The following LRRC4C variants were observed in gnomAD, a reference collection of about 807,000 sequenced individuals.
LRRC4C encodes leucine-rich repeat-containing protein 4C.
Under a neutral mutation model 33.6 loss-of-function variants are expected in LRRC4C, and 5 were observed. That is an observed-to-expected ratio of 0.15 (90% confidence interval 0.08 to 0.31). LRRC4C has a LOEUF of 0.31. LRRC4C is among the 10% of genes least tolerant of loss of function. The pLI is 1.00. For synonymous variants in LRRC4C, 329 were observed against 302.0 expected, an observed-to-expected ratio of 1.09 and a Z score of -0.93; for missense variants, 560 against 796.7, an observed-to-expected ratio of 0.70 and a Z score of 3.58.
chr11:41,424,924 T>C (rs979900577), intron 1 of LRRC4C, among the ~76,000 whole-genome samples: 1 of 152,046 alleles, frequency 6.6e-6, no homozygotes, highest in Non-Finnish European at 1.5e-5. Context: ...TGAGAATGAA[T>C]GAAATGATTA....
chr11:40,340,813 A>G (rs1025679255), intron 3 of LRRC4C, among the ~76,000 whole-genome samples: 2 of 152,204 alleles, frequency 1.3e-5, no homozygotes, highest in African/African-American at 4.8e-5. Context: ...ACAAAGGGAT[A>G]TGTCTCTTCT....
intron 1 of LRRC4C, among the ~76,000 whole-genome samples, chr11:41,295,885 C>T (rs951838258): frequency 6.6e-6 from 1 of 152,134 alleles, no homozygotes; most frequent in Non-Finnish European, 1.5e-5. Flanking sequence ...TTTGCTAAGC[C>T]CTGCTCAAGT....
chr11:40,295,831 T>A (rs1401384219), intron 4 of LRRC4C, among the ~76,000 whole-genome samples: 1 of 152,234 alleles, frequency 6.6e-6, no homozygotes, highest in African/African-American at 2.4e-5. Context: ...CTGTATTGAT[T>A]GATTCAAAAC....
intron 2 of LRRC4C, among the ~76,000 whole-genome samples, chr11:40,914,400 A>C (rs1956845851): frequency 6.6e-6 from 1 of 152,218 alleles, no homozygotes; most frequent in African/African-American, 2.4e-5. Flanking sequence ...AACATATGCA[A>C]ATCAATAAAC....
At chr11:41,053,203 G>T (rs1471777117) in intron 1 of LRRC4C, among the ~76,000 whole-genome samples, 1 of 152,100 alleles carries the variant, frequency 6.6e-6, no homozygotes, top group Non-Finnish European at 1.5e-5. Context: ...AATATATTAT[G>T]GTAAAGGTAA....
intron 5 of LRRC4C, among the ~76,000 whole-genome samples, chr11:40,143,793 G>C (rs1175582392): frequency 1.3e-5 from 2 of 152,044 alleles, no homozygotes; most frequent in African/African-American, 2.4e-5. Flanking sequence ...GTACATATTT[G>C]TTTTCTGTCT....
intron 3 of LRRC4C, among the ~76,000 whole-genome samples, chr11:40,330,943 A>G (rs1732851922): frequency 1.3e-5 from 2 of 152,176 alleles, no homozygotes; most frequent in Non-Finnish European, 2.9e-5. Context: ...GTAATTTTGT[A>G]TCCATTAACC....
At chr11:41,027,712 A>T (rs1467538727) in intron 1 of LRRC4C, among the ~76,000 whole-genome samples, 3 of 151,726 alleles carry the variant, frequency 2.0e-5, no homozygotes, top group African/African-American at 7.2e-5. Context: ...CTAAAGACAG[A>T]GTAATAGAAT....
chr11:40,990,889 T>G (rs1044321640), intron 1 of LRRC4C, among the ~76,000 whole-genome samples: 4 of 152,134 alleles, frequency 2.6e-5, no homozygotes, highest in Non-Finnish European at 4.4e-5. Context: ...AAGTGCTTTT[T>G]TTTATACAAG....
intron 1 of LRRC4C, among the ~76,000 whole-genome samples, chr11:41,224,811 G>A (rs1356872236): frequency 6.6e-6 from 1 of 152,120 alleles, no homozygotes; most frequent in East Asian, 1.9e-4. Flanking sequence ...ATGATGTGAA[G>A]AGTAGTCTAG....
At chr11:40,657,775 G>C (rs117364066) in intron 2 of LRRC4C, among the ~76,000 whole-genome samples, 1 of 152,190 alleles carries the variant, frequency 6.6e-6, no homozygotes, top group Admixed American at 6.5e-5. Flanking sequence ...ACTCCCTGAG[G>C]CTGTGTCACA....
intron 3 of LRRC4C, among the ~76,000 whole-genome samples, chr11:40,538,720 C>T (rs572450549): frequency 8.5e-5 from 13 of 152,332 alleles, no homozygotes; most frequent in Non-Finnish European, 1.8e-4. Context: ...AATTGCCACA[C>T]TGTCTTCCAC....
intron 1 of LRRC4C, among the ~76,000 whole-genome samples, chr11:41,370,591 C>T (rs184643158): frequency 1.3e-4 from 20 of 152,264 alleles, no homozygotes; most frequent in Admixed American, 7.8e-4. Flanking sequence ...CTCCTCCTGC[C>T]ATGATTCTGA....
chr11:41,097,643 T>C (rs1261383751), intron 1 of LRRC4C, among the ~76,000 whole-genome samples: 1 of 152,198 alleles, frequency 6.6e-6, no homozygotes, highest in Non-Finnish European at 1.5e-5. Context: ...TATTGTAAGA[T>C]ACTACCAGGA....
chr11:41,222,939 T>C (rs1947372690), intron 1 of LRRC4C: 1 of 151,898 alleles, frequency 6.6e-6, no homozygotes, highest in Non-Finnish European at 1.5e-5. Flanking sequence ...AACAAATTAT[T>C]AATTCTCTTT....
intron 3 of LRRC4C, among the ~76,000 whole-genome samples, chr11:40,618,494 T>C (rs958097143): frequency 3.3e-5 from 5 of 151,754 alleles, no homozygotes; most frequent in African/African-American, 1.2e-4. Flanking sequence ...TCACCTGGTT[T>C]ATGGTAATTT....
intron 3 of LRRC4C, chr11:40,447,116 C>A (rs72897019): frequency 3.7e-3 from 664 of 177,264 alleles, no homozygotes; most frequent in Non-Finnish European, 5.9e-3. Flanking sequence ...CCACTCCTCC[C>A]AGGTGAAGTC....
chr11:40,389,915 G>T (rs1011857464), intron 3 of LRRC4C, among the ~76,000 whole-genome samples: 2 of 152,164 alleles, frequency 1.3e-5, no homozygotes, highest in Non-Finnish European at 2.9e-5. Context: ...GGTCTTCTTA[G>T]TACCAAGAAT....
chr11:40,243,632 A>G (rs1036740748), intron 4 of LRRC4C, among the ~76,000 whole-genome samples: 2 of 151,302 alleles, frequency 1.3e-5, no homozygotes, highest in Admixed American at 1.3e-4. Flanking sequence ...AATTTTATAT[A>G]ATTTTGTTAT....
Sources: gnomAD v4.1 joint callset for allele counts (sites outside exome capture counted in the v4.1 genomes callset) on GRCh38, gnomAD v4.1.1 for gene constraint, MANE v1.5 for transcripts, NCBI Gene and HGNC (gene_info 2026-07-23, HGNC 2026-07-21) for gene names.